KCNMB1: variants seen among roughly 807,000 people sequenced by gnomAD.
KCNMB1 encodes the protein potassium calcium-activated channel subfamily M regulatory beta subunit 1.
In KCNMB1, 22 loss-of-function variants were observed where a neutral mutation model predicts 21.7. The observed-to-expected ratio is 1.01, with a 90% CI of 0.72 to 1.45. The LOEUF is 1.45. Among genes scored for constraint, KCNMB1 ranks in the 40% most tolerant of loss-of-function variants. The pLI is 0.00. For synonymous variants in KCNMB1, 114 were observed against 107.6 expected, an observed-to-expected ratio of 1.06 and a Z score of -0.37; for missense variants, 243 against 243.4, an observed-to-expected ratio of 1.00 and a Z score of 0.01.
At position 170,378,543 on chromosome 5, in the gene KCNMB1, G is replaced by T; in HGVS notation, c.*161C>A. The stretch of plus-strand genomic sequence containing the variant: ...TTGAGCAGGCAATGACTTCACAAAA[G>T]GATTTCTCAAAGGTTAGTCCTGCAA... On this transcript the variant is annotated 3_prime_UTR_variant, in exon 4 of 4. Transcript: ENST00000274629. 4.9e-6 allele frequency: 4 copies of T among 818,400 alleles called. No individual in the cohort carries two copies. The highest frequency in any genetic ancestry group is 7.7e-6 in the Non-Finnish European group (4 of 516,284). 50.7% of individuals were successfully genotyped at this position (818,400 alleles called of 1,614,324 possible).
intron 3 of KCNMB1, among the ~76,000 whole-genome samples, chr5:170,380,071 G>A (rs1764179360): frequency 6.6e-6 from 1 of 152,180 alleles, no homozygotes; most frequent in African/African-American, 2.4e-5. Context: ...GGATCCAAAG[G>A]AAAGAAAGAA....
Position 170,383,690 on chromosome 5 carries a change from G to T in KCNMB1, c.295C>A (p.Gln99Lys). The change falls in exon 3 of 4, where the codon CAG (glutamine) becomes AAG (lysine). Residue 99 changes from glutamine (Q) to lysine (K), a missense_variant. Coordinates refer to ENST00000274629, the MANE Select transcript of KCNMB1 (RefSeq NM_004137.4). ...CTCCAGTTCAGTACCTGCTGGTTCTGGTCCCGAGTGTCCTCCGTGTGGTAC... is the reference window on the plus strand; with the variant it reads ...CTCCAGTTCAGTACCTGCTGGTTCTTGTCCCGAGTGTCCTCCGTGTGGTAC... ...VLYHTEDTRD[Q>K]NQQCSYIPGS... 2 of 1,614,108 alleles carry T rather than the reference G, an allele frequency of 1.2e-6. No homozygotes were observed. Among genetic ancestry groups the T allele is most frequent in the Non-Finnish European group, 1.7e-6 (2 of 1,180,024 alleles).
rs1005667905 is a variant in KCNMB1 at position 170,378,840 on chromosome 5, A to G, written c.440T>C (p.Leu147Pro). 3.1e-6 allele frequency: 5 copies of G among 1,614,144 alleles called. No individual in the cohort carries two copies. The highest frequency in any genetic ancestry group is 3.3e-5 in the Admixed American group (2 of 60,014). The change falls in exon 4 of 4, where the codon CTA (leucine) becomes CCA (proline). Residue 147 changes from leucine (L) to proline (P), a missense_variant. By Grantham distance (98) the Leu-to-Pro change is moderately conservative (BLOSUM62 -3). Coordinates refer to ENST00000274629, the MANE Select transcript of KCNMB1 (RefSeq NM_004137.4). ...SAPRGNETSV[L>P]FQRLYGPQAL... ...CTGGGGCCCGTAGAGGCGCTGGAATAGGACGCTGGTTTCGTTCCCCCGAGG... is the reference window on the plus strand; with the variant it reads ...CTGGGGCCCGTAGAGGCGCTGGAATGGGACGCTGGTTTCGTTCCCCCGAGG...
At chr5:170,384,390 G>A (rs1291744685) in intron 2 of KCNMB1, among the ~76,000 whole-genome samples, 2 of 152,248 alleles carry the variant, frequency 1.3e-5, no homozygotes, top group African/African-American at 4.8e-5. Context: ...AGGAGCAGAT[G>A]TAGAAGGGGT....
chr5:170,383,572 G>A, intron 3 of KCNMB1, 107 bp downstream of exon 3: 1 of 1,247,854 alleles, frequency 8.0e-7, no homozygotes, highest in South Asian at 1.3e-5. Flanking sequence ...GTGAGACCTG[G>A]TCAAGTGGGT....
In KCNMB1 at chr5:170,378,634, T is replaced by C; in HGVS notation, c.*70A>G. 1.3e-6 allele frequency: 2 copies of C among 1,488,512 alleles called. No homozygotes were observed. Among genetic ancestry groups the C allele is most frequent in the Non-Finnish European group, 1.8e-6 (2 of 1,107,276 alleles). The allele number at this position is 1,488,512 out of a possible 1,614,324, so 92.2% of individuals were successfully genotyped here. On this transcript the variant is annotated 3_prime_UTR_variant, in exon 4 of 4. Transcript: ENST00000274629. ...GGTGGAGAAGGCATTGTGCTGCAAG[T>C]GGGGAGCAGCCCTGGGGGCCCAGCC...
At chr5:170,387,648 A>G (rs1764532440) in intron 1 of KCNMB1, among the ~76,000 whole-genome samples, 2 of 152,320 alleles carry the variant, frequency 1.3e-5, no homozygotes, top group South Asian at 4.1e-4. Context: ...CCCCCGACAA[A>G]GAGAGATGTT....
chr5:170,386,654 C>T (rs1764485538), intron 1 of KCNMB1, among the ~76,000 whole-genome samples: 1 of 150,148 alleles, frequency 6.7e-6, no homozygotes, highest in Non-Finnish European at 1.5e-5. Context: ...TGCAGGTTGT[C>T]AGGAGAGGCA....
intron 3 of KCNMB1, among the ~76,000 whole-genome samples, chr5:170,380,201 C>T (rs1764183892): frequency 6.6e-6 from 1 of 152,204 alleles, no homozygotes; most frequent in Non-Finnish European, 1.5e-5. Context: ...TGATGCAAAG[C>T]AGTCATAAAG....
In KCNMB1 at chr5:170,378,880, A is replaced by G; in HGVS notation, c.400T>C (p.Tyr134His). 1 of 1,614,250 alleles carries G rather than the reference A, an allele frequency of 6.2e-7. No homozygotes were observed. The highest frequency in any genetic ancestry group is 8.5e-7 in the Non-Finnish European group (1 of 1,180,036). The change falls in exon 4 of 4, where the codon TAC becomes CAC. Residue 134 changes from tyrosine to histidine, a missense_variant. Tyr to His is a moderately conservative substitution (Grantham distance 83). Coordinates refer to ENST00000274629, the MANE Select transcript of KCNMB1 (RefSeq NM_004137.4). Reference sequence around the variant, plus strand: ...TTCCCCCGAGGTGCGGAGAAGCAGTAGAAGACCTGCTGCTCTTGGAATTTG... The same window carrying G: ...TTCCCCCGAGGTGCGGAGAAGCAGTGGAAGACCTGCTGCTCTTGGAATTTG... The part of the protein sequence containing the change: ...RAKFQEQQVF[Y>H]CFSAPRGNET...
intron 2 of KCNMB1, among the ~76,000 whole-genome samples, chr5:170,384,511 G>C (rs528583918): frequency 1.3e-3 from 191 of 152,346 alleles, no homozygotes; most frequent in Non-Finnish European, 2.3e-3. Context: ...TGAGGCTGCA[G>C]CAGGCCCGGG....
rs314152 is a variant in KCNMB1 at position 170,375,614 on chromosome 5, T to C, written c.*3090A>G. 0.041 allele frequency: 4,102 copies of C among 99,952 alleles called. 187 individuals are homozygous for C. Among genetic ancestry groups the C allele is most frequent in the African/African-American group, 0.14 (3,841 of 28,082 alleles). 6.2% of individuals were successfully genotyped at this position (99,952 alleles called of 1,614,324 possible). ...CCTCAGCCCTTCACAGCTGGCTCTG[T>C]CCCTCAGCCCTTCACAGCTGGCTCT... On this transcript the variant is annotated 3_prime_UTR_variant, in exon 4 of 4. Coordinates refer to ENST00000274629, the MANE Select transcript of KCNMB1 (RefSeq NM_004137.4).
At chr5:170,379,185 G>A (rs1390782879) in intron 3 of KCNMB1, among the ~76,000 whole-genome samples, 1 of 151,598 alleles carries the variant, frequency 6.6e-6, no homozygotes, top group African/African-American at 2.4e-5. Context: ...TGCTGGAGCT[G>A]CTCGGGGTAC....
At chr5:170,382,169 G>C (rs1019831019) in intron 3 of KCNMB1, among the ~76,000 whole-genome samples, 1 of 152,130 alleles carries the variant, frequency 6.6e-6, no homozygotes, top group Non-Finnish European at 1.5e-5. Context: ...CCACACACCT[G>C]TAGGCTCCAT....
At chr5:170,382,787 C>G (rs1460949833) in intron 3 of KCNMB1, 1 of 152,468 alleles carries the variant, frequency 6.6e-6, no homozygotes, top group Non-Finnish European at 1.5e-5. Context: ...CTCCTCTAAC[C>G]CCTGTAACTT....
intron 3 of KCNMB1, among the ~76,000 whole-genome samples, chr5:170,381,055 T>C (rs1287766373): frequency 6.6e-6 from 1 of 152,210 alleles, no homozygotes; most frequent in Admixed American, 6.5e-5. Flanking sequence ...CTTTACCTTC[T>C]TAAAAAGAGG....
intron 3 of KCNMB1, among the ~76,000 whole-genome samples, 171 bp from the exon 4 acceptor site, chr5:170,379,144 C>A (rs892403997): frequency 2.0e-5 from 3 of 152,160 alleles, no homozygotes; most frequent in Non-Finnish European, 4.4e-5. Flanking sequence ...GGAGAGCACG[C>A]TCTCATTTGT....
rs1036031129 is a variant in KCNMB1, at chr5:170,378,311, G to T, written c.*393C>A. ...GAATTCAAACAAAGAAGGGAGGCTC[G>T]CTGGGGACAGCTTCTGGGGGAGGAT... On this transcript the variant is annotated 3_prime_UTR_variant, in exon 4 of 4. Transcript: ENST00000274629. 1.7e-5 allele frequency: 3 copies of T among 177,384 alleles called. No individual in the cohort carries two copies. The highest frequency in any genetic ancestry group is 3.5e-5 in the Non-Finnish European group (3 of 85,324). 11.0% of individuals were successfully genotyped at this position (177,384 alleles called of 1,614,324 possible). A position where few individuals can be genotyped will look rare whatever the true frequency, so the allele number is the denominator to read the frequency against.
intron 1 of KCNMB1, among the ~76,000 whole-genome samples, chr5:170,387,401 G>T (rs1400328395): frequency 6.6e-6 from 1 of 152,054 alleles, no homozygotes; most frequent in African/African-American, 2.4e-5. Flanking sequence ...AGAGATTCTT[G>T]ACTCCCTCCC....
Sources: gnomAD v4.1 joint callset for allele counts (sites outside exome capture counted in the v4.1 genomes callset) on GRCh38, gnomAD v4.1.1 for gene constraint, MANE v1.5 for transcripts, NCBI Gene and HGNC (gene_info 2026-07-23, HGNC 2026-07-21) for gene names.